The following PCDH15 variants were observed in gnomAD, a reference collection of about 807,000 sequenced individuals.
PCDH15 encodes the protein protocadherin related 15.
A neutral mutation model predicts 178.5 loss-of-function variants in PCDH15; 129 were observed. That is an observed-to-expected ratio of 0.72 (90% CI 0.63 to 0.84). PCDH15 has a LOEUF of 0.84. Among genes scored for constraint, PCDH15 ranks in the 40% least tolerant of loss-of-function variants. PCDH15 has a pLI of 0.00. For missense variants in PCDH15, 2,230 were observed against 2,099.9 expected, an observed-to-expected ratio of 1.06 and a Z score of -1.21; for synonymous variants, 800 against 732.0, an observed-to-expected ratio of 1.09 and a Z score of -1.50.
chr10:54,183,578 C>G lies in PCDH15; in HGVS notation c.1456G>C (p.Gly486Arg), dbSNP rs1196401374. ...TYTFSITAFD[G>R]VQESEPVIVN... ...ATGACTGGCTCACTTTCTTGTACAC[C>G]ATCAAATGCTGTTATCTTTGGGAGG... The change falls in exon 13 of 38, where the codon GGT becomes CGT. Residue 486 changes from glycine to arginine, a missense_variant. By Grantham distance (125) the Gly-to-Arg change is moderately radical (BLOSUM62 -2). Coordinates refer to ENST00000644397, the MANE Select transcript of PCDH15 (RefSeq NM_001384140.1). 3 of 1,613,744 alleles carry G rather than the reference C, an allele frequency of 1.9e-6. No individual in the cohort carries two copies. In the Admixed American group the frequency reaches 5.0e-5, roughly 27 times the overall value.
At chr10:54,672,297 C>T (rs1590961872) in intron 1 of PCDH15, among the ~76,000 whole-genome samples, 1 of 151,952 alleles carries the variant, frequency 6.6e-6, no homozygotes, top group Non-Finnish European at 1.5e-5. Flanking sequence ...CTCCTGCTCC[C>T]AGCCCCAGGT....
At chr10:54,987,817 G>C (rs1839409458) in intron 2 of PCDH15, among the ~76,000 whole-genome samples, 1 of 151,550 alleles carries the variant, frequency 6.6e-6, no homozygotes, top group African/African-American at 2.4e-5. Context: ...TAGGTTGCCT[G>C]TTCACTCTAA....
chr10:54,963,330 A>G (rs1838703880), intron 2 of PCDH15, among the ~76,000 whole-genome samples: 1 of 83,676 alleles, frequency 1.2e-5, no homozygotes, highest in South Asian at 5.3e-4. Flanking sequence ...ACTGACATAA[A>G]ATGTGTTTTT....
chr10:54,789,071 A>G (rs73268227), intron 1 of PCDH15, among the ~76,000 whole-genome samples: 10,944 of 151,772 alleles, frequency 0.072, 462 homozygotes, highest in South Asian at 0.14. Context: ...TTTTTTTTCT[A>G]TGAGAAAGCA....
At chr10:53,998,104 C>A (rs990415125) in intron 20 of PCDH15, among the ~76,000 whole-genome samples, 3 of 152,132 alleles carry the variant, frequency 2.0e-5, no homozygotes, top group Non-Finnish European at 4.4e-5. Context: ...ATTAAGGACT[C>A]GCTCAGCACT....
intron 1 of PCDH15, among the ~76,000 whole-genome samples, chr10:55,200,004 G>A (rs1256209843): frequency 6.6e-6 from 1 of 152,122 alleles, no homozygotes; most frequent in Admixed American, 6.5e-5. Context: ...CTCTACTAGA[G>A]CAGTGTGGAG....
chr10:53,840,270 T>C (rs760277016), intron 29 of PCDH15, 50 bp downstream of exon 29: 3 of 1,563,940 alleles, frequency 1.9e-6, no homozygotes, highest in East Asian at 2.2e-5. Flanking sequence ...GAATCATCTA[T>C]GGTTGCTATT....
In PCDH15 at chr10:54,207,822, T is replaced by C. The variant is rs557101384; in HGVS notation, c.1098+6114A>G. On this transcript the variant is annotated intron_variant, in intron 10 of 37. Transcript: ENST00000644397. ...TTTACTTACTCTGTTACACTTAAGGTAAAACAGATATAGTCATTTGTCTTA... is the reference window on the plus strand; with the variant it reads ...TTTACTTACTCTGTTACACTTAAGGCAAAACAGATATAGTCATTTGTCTTA... Among the ~76,000 whole-genome samples, 3 of 152,136 alleles carry C rather than the reference T, an allele frequency of 2.0e-5. No homozygotes were observed. In the South Asian group the frequency reaches 6.2e-4, roughly 31 times the overall value.
At chr10:55,251,340 C>G (rs545505327) in intron 1 of PCDH15, among the ~76,000 whole-genome samples, 200 of 152,208 alleles carry the variant, frequency 1.3e-3, no homozygotes, top group Non-Finnish European at 2.4e-3. Context: ...ATCCACATCA[C>G]TGAAGCAATC....
chr10:54,679,846 A>G (rs902330104), intron 1 of PCDH15, among the ~76,000 whole-genome samples: 11 of 152,340 alleles, frequency 7.2e-5, no homozygotes, highest in Admixed American at 6.5e-4. Flanking sequence ...AAACAAATTA[A>G]GCAGACACTC....
At chr10:54,607,827 G>T (rs2092808873) in intron 2 of PCDH15, 1 of 525,768 alleles carries the variant, frequency 1.9e-6, no homozygotes. Context: ...GTAAGGAAGA[G>T]ATATGATGCC....
intron 2 of PCDH15, among the ~76,000 whole-genome samples, chr10:55,143,935 G>A (rs150079391): frequency 1.3e-5 from 2 of 151,766 alleles, no homozygotes; most frequent in Admixed American, 1.3e-4. Flanking sequence ...TACTGACCTA[G>A]TTAGACATAT....
intron 4 of PCDH15, among the ~76,000 whole-genome samples, chr10:54,375,330 AT>A: frequency 6.6e-6 from 1 of 152,290 alleles, no homozygotes; most frequent in East Asian, 1.9e-4. Context: ...TTATAAGTGT[AT>A]AAAGGAATCT....
intron 20 of PCDH15, among the ~76,000 whole-genome samples, chr10:53,996,807 G>T (rs1159699668): frequency 6.6e-6 from 1 of 151,980 alleles, no homozygotes; most frequent in Non-Finnish European, 1.5e-5. Flanking sequence ...TGGGTAGTGT[G>T]GGTCAAACAT....
At chr10:54,274,429 T>A (rs2058229127) in intron 8 of PCDH15, among the ~76,000 whole-genome samples, 1 of 151,994 alleles carries the variant, frequency 6.6e-6, no homozygotes, top group Non-Finnish European at 1.5e-5. Context: ...ATATTTTTAG[T>A]GTATATTTTA....
chr10:54,615,936 G>C (rs962502908), intron 2 of PCDH15, among the ~76,000 whole-genome samples: 4 of 151,980 alleles, frequency 2.6e-5, no homozygotes, highest in African/African-American at 9.7e-5. Context: ...CACAGGGATT[G>C]GTACAGACAC....
chr10:54,601,379 C>G (rs541420219), intron 2 of PCDH15, among the ~76,000 whole-genome samples: 1 of 151,780 alleles, frequency 6.6e-6, no homozygotes, highest in Non-Finnish European at 1.5e-5. Flanking sequence ...AGTATATGAA[C>G]AGACACTTTT....
At chr10:55,549,397 T>TA (rs1382944486) in intron 2 of PCDH15, among the ~76,000 whole-genome samples, 1 of 152,056 alleles carries the variant, frequency 6.6e-6, no homozygotes, top group Non-Finnish European at 1.5e-5. Flanking sequence ...ACAACAAAAT[T>TA]AAAAACTCCA....
intron 2 of PCDH15, among the ~76,000 whole-genome samples, chr10:54,623,260 A>C (rs1311267933): frequency 2.0e-5 from 3 of 152,096 alleles, no homozygotes; most frequent in African/African-American, 7.2e-5. Context: ...GTCTTCTCTG[A>C]TCCTTTGGCG....
Sources: allele counts gnomAD v4.1 joint callset (sites outside exome capture counted in the v4.1 genomes callset), GRCh38; gene constraint gnomAD v4.1.1; transcripts MANE v1.5; gene names NCBI Gene and HGNC (gene_info 2026-07-23, HGNC 2026-07-21).